Variants in AQR observed in about 807,000 individuals in gnomAD.
AQR encodes aquarius intron-binding spliceosomal factor.
In AQR, 61 loss-of-function variants were observed where a neutral mutation model predicts 180.5. The observed-to-expected ratio is 0.34, with a 90% CI of 0.28 to 0.42. The LOEUF (loss-of-function observed/expected upper bound fraction) is 0.42, where lower values mean the gene tolerates loss of function less well. Among genes scored for constraint, AQR ranks in the 10% least tolerant of loss-of-function variants. The pLI is 1.00. For synonymous variants in AQR, 551 were observed against 588.8 expected (o/e 0.94, Z 0.93); for missense variants, 1,281 against 1,798.3 (o/e 0.71, Z 5.20).
chr15:34,945,531 C>T (rs1047234564), intron 5 of AQR, among the ~76,000 whole-genome samples: 14 of 152,192 alleles, frequency 9.2e-5, no homozygotes, highest in African/African-American at 3.1e-4. Flanking sequence ...AACAGGTAAA[C>T]TGACCAGGTT....
rs965678662 is a variant in AQR, at chr15:34,905,111, G to A, written c.1832-606C>T. Among the ~76,000 whole-genome samples, 13 of 114,676 alleles carry A rather than the reference G, an allele frequency of 1.1e-4. 1 individual carries two copies. Among genetic ancestry groups the A allele is most frequent in the East Asian group, 3.1e-4 (1 of 3,258 alleles). The allele number at this position is 114,676 out of a possible 152,430, so 75.2% of individuals were successfully genotyped here. ...TCCTCTTTTTTGGGGGGGGTGGGGG[G>A]AAGGGGGGGTCTTAGACCTCGAACT... On this transcript the variant is annotated intron_variant, in intron 18 of 34. Transcript: ENST00000156471.
At chr15:34,900,585 G>C in intron 20 of AQR, 37 bp downstream of exon 20, 2 of 1,593,076 alleles carry the variant, frequency 1.3e-6, no homozygotes, top group Admixed American at 3.5e-5. Context: ...ATTGACTACA[G>C]AATGCTGGAG....
intron 12 of AQR, among the ~76,000 whole-genome samples, chr15:34,927,718 T>C (rs1369707958): frequency 6.6e-6 from 1 of 152,214 alleles, no homozygotes; most frequent in Non-Finnish European, 1.5e-5. Context: ...TGAAATAATA[T>C]CCCTGTCTTC....
intron 27 of AQR, among the ~76,000 whole-genome samples, chr15:34,877,499 G>T (rs1323798632): frequency 6.6e-6 from 1 of 152,106 alleles, no homozygotes; most frequent in Non-Finnish European, 1.5e-5. Flanking sequence ...GGTCATTTTT[G>T]TGGGAGCTGA....
At chr15:34,871,054 ATAAG>A in intron 30 of AQR, 132 bp from the exon 31 acceptor site, 1 of 727,748 alleles carries the variant, frequency 1.4e-6, no homozygotes, top group Non-Finnish European at 2.2e-6. Context: ...AGTAACTTGG[ATAAG>A]TGAGTACCTT....
At chr15:34,858,337 A>G (rs1046067155) in intron 34 of AQR, among the ~76,000 whole-genome samples, 14 of 151,438 alleles carry the variant, frequency 9.2e-5, no homozygotes, top group South Asian at 4.1e-4. Context: ...AAAAAAAAAA[A>G]AAAAGAAAAC....
chr15:34,879,893 A>C (rs1892945635), intron 27 of AQR, among the ~76,000 whole-genome samples: 1 of 152,162 alleles, frequency 6.6e-6, no homozygotes, highest in Admixed American at 6.5e-5. Flanking sequence ...TCTGTGTACA[A>C]AACTGAATGT....
intron 1 of AQR, among the ~76,000 whole-genome samples, chr15:34,965,408 T>C (rs923278375): frequency 3.3e-5 from 5 of 152,134 alleles, no homozygotes; most frequent in African/African-American, 1.2e-4. Context: ...TGGTGGCTCA[T>C]GCCTGTAATC....
chr15:34,886,399 G>C (rs969952692), intron 25 of AQR, 127 bp downstream of exon 25: 3 of 861,194 alleles, frequency 3.5e-6, no homozygotes, highest in Non-Finnish European at 5.0e-6. Context: ...TATAGCACTT[G>C]CAATACCATA....
At chr15:34,924,919 TAA>T (rs34745223) in intron 13 of AQR, among the ~76,000 whole-genome samples, 2,712 of 133,920 alleles carry the variant, frequency 0.02, 67 homozygotes, top group African/African-American at 0.063. Context: ...AAGCTAAATG[TAA>T]AAAAAAAAAA....
intron 19 of AQR, among the ~76,000 whole-genome samples, chr15:34,901,128 T>C (rs1162798091): frequency 1.3e-5 from 2 of 152,098 alleles, no homozygotes; most frequent in Non-Finnish European, 2.9e-5. Flanking sequence ...ATGACATAAA[T>C]AAATTTACCA....
intron 19 of AQR, among the ~76,000 whole-genome samples, chr15:34,903,708 C>A (rs1176678448): frequency 2.0e-5 from 3 of 152,104 alleles, no homozygotes; most frequent in Non-Finnish European, 4.4e-5. Flanking sequence ...AAGAAAGGCA[C>A]TCTTTCTGCA....
At chr15:34,941,665 G>C (rs114963004) in intron 7 of AQR, among the ~76,000 whole-genome samples, 1 of 151,832 alleles carries the variant, frequency 6.6e-6, no homozygotes, top group Non-Finnish European at 1.5e-5. Flanking sequence ...TTAATATTAG[G>C]TATGATCCAG....
rs894900711 is a variant in AQR at position 34,852,089 on chromosome 15, T to C, written c.*4703A>G. The C allele has an allele frequency of 6.6e-6, 1 of 152,212 alleles. No individual in the cohort carries two copies. The highest frequency in any genetic ancestry group is 1.5e-5 in the Non-Finnish European group (1 of 68,042). The allele number at this position is 152,212 out of a possible 1,614,324, so 9.4% of individuals were successfully genotyped here. A position where few individuals can be genotyped will look rare whatever the true frequency, so the allele number is the denominator to read the frequency against. On this transcript the variant is annotated 3_prime_UTR_variant, in exon 35 of 35. Coordinates refer to ENST00000156471, the MANE Select transcript of AQR (RefSeq NM_014691.3). ...TTACCTGTAGGGAAAAAAAATGTAT[T>C]TTGGGGCTTTATCTTTAAAGGGCGA...
chr15:34,957,767 GAAAAAACATAAAACATA>G (rs754430800), intron 3 of AQR, among the ~76,000 whole-genome samples: 168 of 142,980 alleles, frequency 1.2e-3, no homozygotes, highest in Non-Finnish European at 1.9e-3. Flanking sequence ...ACATAAACAT[GAAAAAACATAAAACATA>G]AAAAAACATA....
chr15:34,946,384 G>C (rs1245366624), intron 5 of AQR, among the ~76,000 whole-genome samples: 2 of 151,504 alleles, frequency 1.3e-5, no homozygotes, highest in Non-Finnish European at 2.9e-5. Flanking sequence ...TTGAGGTCGG[G>C]GGGGTCAGCC....
chr15:34,871,777 G>A (rs1051832121), intron 30 of AQR, among the ~76,000 whole-genome samples: 1 of 151,740 alleles, frequency 6.6e-6, no homozygotes, highest in African/African-American at 2.4e-5. Flanking sequence ...GGATGTGACC[G>A]CAAATTGGTC....
chr15:34,870,841 G>A lies in AQR; in HGVS notation c.3679C>T (p.Leu1227=), dbSNP rs1292782207. Residue 1227 remains leucine (L), a synonymous_variant, in exon 31 of 35, where the codon CTA becomes TTA. Coordinates refer to ENST00000156471, the MANE Select transcript of AQR (RefSeq NM_014691.3). ...TGCTTTTGGCCATTATATGTTGTTAGAATACTGATTTTGTCAGCAGGGTAA... is the reference window on the plus strand; with the variant it reads ...TGCTTTTGGCCATTATATGTTGTTAAAATACTGATTTTGTCAGCAGGGTAA... The part of the protein sequence containing the change: ...LGYPADKISI[L]TTYNGQKHLI... The A allele has an allele frequency of 6.2e-7, 1 of 1,613,370 alleles. No individual in the cohort carries two copies. Among genetic ancestry groups the A allele is most frequent in the Admixed American group, 1.7e-5 (1 of 59,910 alleles).
chr15:34,871,506 CAAAAAA>C (rs916025647), intron 30 of AQR, among the ~76,000 whole-genome samples: 37 of 62,356 alleles, frequency 5.9e-4, no homozygotes, highest in African/African-American at 1.7e-3. Context: ...ATCTCATCTC[CAAAAAA>C]AAAAAAAAAA....
Sources: allele counts gnomAD v4.1 joint callset (sites outside exome capture counted in the v4.1 genomes callset), GRCh38; gene constraint gnomAD v4.1.1; transcripts MANE v1.5; gene names NCBI Gene and HGNC (gene_info 2026-07-23, HGNC 2026-07-21).